PSTPIP1: variants seen among roughly 807,000 people sequenced by gnomAD.
PSTPIP1 encodes proline-serine-threonine phosphatase-interacting protein 1.
Under a neutral mutation model 69.6 loss-of-function variants are expected in PSTPIP1, and 66 were observed. That is an observed-to-expected ratio of 0.95 (90% CI 0.78 to 1.16). PSTPIP1 has a LOEUF of 1.16. PSTPIP1 is among the 50% of genes most tolerant of loss of function. PSTPIP1 has a pLI of 0.00. For synonymous variants in PSTPIP1, 266 were observed against 222.7 expected, an observed-to-expected ratio of 1.19 and a Z score of -1.73; for missense variants, 603 against 557.4, an observed-to-expected ratio of 1.08 and a Z score of -0.82.
At chr15:77,029,461 A>G in intron 7 of PSTPIP1, 68 bp from the exon 8 acceptor site, 1 of 1,531,262 alleles carries the variant, frequency 6.5e-7, no homozygotes, top group Non-Finnish European at 8.9e-7. Flanking sequence ...CAGTCACTTC[A>G]GGTCTGCTGG....
At position 77,035,580 on chromosome 15, in the gene PSTPIP1, G is replaced by A. The variant is rs1388121609; in HGVS notation, c.985+17G>A. 10 of 1,569,018 alleles carry A rather than the reference G, an allele frequency of 6.4e-6. 1 individual carries two copies. The South Asian group carries it at 1.2e-4, about 18-fold the overall frequency. On this transcript the variant is annotated intron_variant, in intron 13 of 14. Transcript: ENST00000558012. ...CTTCTGCTGGTAAAGGGGGTCAGGA[G>A]GGGACCCCCAAACACACTGATCCTG... is the stretch of plus-strand genomic sequence containing the variant.
chr15:77,036,299 G>A (rs759507050), intron 14 of PSTPIP1, among the ~76,000 whole-genome samples: 1 of 152,182 alleles, frequency 6.6e-6, no homozygotes, highest in Non-Finnish European at 1.5e-5. Context: ...CACACGTGCG[G>A]GGAGCTGGCA....
At position 77,032,845 on chromosome 15, in the gene PSTPIP1, C is replaced by G. The variant is rs770543515; in HGVS notation, c.839-17C>G. The G allele has an allele frequency of 6.4e-7, 1 of 1,554,054 alleles. No homozygotes were observed. Among genetic ancestry groups the G allele is most frequent in the Admixed American group, 1.9e-5 (1 of 52,514 alleles). On this transcript the variant is annotated splice_polypyrimidine_tract_variant and intron_variant, in intron 11 of 14. Transcript: ENST00000558012. ...GTGTTGGGGGCCGCCCTGGGGCTCA[C>G]GGCTTGCTGTCTGCAGCTCCGGTGC...
At chr15:77,000,981 T>C (rs902319288) in intron 1 of PSTPIP1, among the ~76,000 whole-genome samples, 2 of 152,176 alleles carry the variant, frequency 1.3e-5, no homozygotes, top group Admixed American at 6.5e-5. Context: ...CCTCCCCTTT[T>C]TTTAGCGTAA....
chr15:77,000,604 G>A (rs1426573033), intron 1 of PSTPIP1, among the ~76,000 whole-genome samples: 1 of 152,128 alleles, frequency 6.6e-6, no homozygotes, highest in Non-Finnish European at 1.5e-5. Context: ...AGCACCTTTA[G>A]TCTCATCACA....
At chr15:77,015,213 G>C (rs960973616) in intron 1 of PSTPIP1, among the ~76,000 whole-genome samples, 2 of 152,172 alleles carry the variant, frequency 1.3e-5, no homozygotes, top group African/African-American at 4.8e-5. Context: ...ATCATGTTTG[G>C]ATGTTCCAAA....
chr15:77,035,494 C>T lies in PSTPIP1; in HGVS notation c.930-14C>T, dbSNP rs200876675. The T allele has an allele frequency of 5.2e-5, 82 of 1,584,708 alleles. 2 individuals are homozygous for T. In the South Asian group the frequency reaches 7.5e-4, roughly 14 times the overall value. On this transcript the variant is annotated splice_polypyrimidine_tract_variant and intron_variant, in intron 12 of 14. Coordinates refer to ENST00000558012, the MANE Select transcript of PSTPIP1 (RefSeq NM_003978.5). Reference sequence around the variant, plus strand: ...GGGGCGGGGACACTCACCCTCTTTCCTCCCTGTTCCCAGGTTCTCTGGACT... The same window carrying T: ...GGGGCGGGGACACTCACCCTCTTTCTTCCCTGTTCCCAGGTTCTCTGGACT...
chr15:77,005,686 C>T (rs1228883421), intron 1 of PSTPIP1, among the ~76,000 whole-genome samples: 2 of 152,212 alleles, frequency 1.3e-5, no homozygotes. Context: ...ATTCTACTTT[C>T]TAGCTCTATG....
intron 12 of PSTPIP1, among the ~76,000 whole-genome samples, chr15:77,035,300 G>A (rs946214819): frequency 6.6e-6 from 1 of 152,148 alleles, no homozygotes; most frequent in Non-Finnish European, 1.5e-5. Flanking sequence ...CGTAGCTGGG[G>A]AAGGAGGAGC....
At chr15:77,009,512 A>G (rs573338044) in intron 1 of PSTPIP1, among the ~76,000 whole-genome samples, 1 of 152,288 alleles carries the variant, frequency 6.6e-6, no homozygotes, top group Admixed American at 6.5e-5. Flanking sequence ...AGTGGGAGCC[A>G]CTAGTCTAGA....
rs919009893 is a variant in PSTPIP1, at chr15:77,029,608, C to T, written c.562+34C>T. ...GCCTGGCTGCCCCGTCCGACCAGGG[C>T]GGAGGCCTGGGCGGTACTCCCCACA... On this transcript the variant is annotated intron_variant, in intron 8 of 14. Transcript: ENST00000558012. The T allele has an allele frequency of 5.1e-6, 8 of 1,556,006 alleles. No individual in the cohort carries two copies. The Admixed American group carries it at 5.8e-5, about 11-fold the overall frequency.
chr15:77,028,224 A>C (rs2076330650), intron 6 of PSTPIP1: 2 of 505,946 alleles, frequency 4.0e-6, no homozygotes, highest in East Asian at 6.9e-5. Context: ...GACGCTGGAC[A>C]GGAAGGGAGA....
upstream of PSTPIP1, chr15:76,994,933 C>G (rs575371049): frequency 4.8e-6 from 6 of 1,253,014 alleles, no homozygotes; most frequent in East Asian, 2.8e-4. Context: ...CTGGGCCCCT[C>G]CTGGCCACAC....
chr15:77,036,083 C>T (rs1295095800), intron 14 of PSTPIP1, 148 bp downstream of exon 14: 14 of 1,110,736 alleles, frequency 1.3e-5, no homozygotes, highest in Middle Eastern at 3.1e-4. Context: ...CACGTGTGCC[C>T]GAGTGTGTCC....
chr15:76,996,865 C>A (rs982692333), intron 1 of PSTPIP1, among the ~76,000 whole-genome samples: 1 of 152,138 alleles, frequency 6.6e-6, no homozygotes, highest in African/African-American at 2.4e-5. Flanking sequence ...CAGCTGGAGC[C>A]CTGGGGGATG....
chr15:77,015,346 C>T (rs1474640123), intron 1 of PSTPIP1, among the ~76,000 whole-genome samples: 1 of 152,130 alleles, frequency 6.6e-6, no homozygotes, highest in Non-Finnish European at 1.5e-5. Flanking sequence ...TTTGGGCAGT[C>T]TCTTTCCCTG....
chr15:77,035,537 A>G lies in PSTPIP1; in HGVS notation c.959A>G (p.Lys320Arg). 2 of 1,592,226 alleles carry G rather than the reference A, an allele frequency of 1.3e-6. No homozygotes were observed. The change falls in exon 13 of 15, where the codon AAG becomes AGG. Residue 320 changes from lysine (K) to arginine (R), a missense_variant. Physicochemically the swap from Lys to Arg is conservative, Grantham distance 26. Transcript: ENST00000558012. ...RFSGLLHGSP[K>R]TTSLAASAAS... ...TCTGGACTGCTGCACGGAAGTCCCAAGACCACTTCGTTGGCAGCTTCTGCT... is the reference window on the plus strand; with the variant it reads ...TCTGGACTGCTGCACGGAAGTCCCAGGACCACTTCGTTGGCAGCTTCTGCT...
chr15:77,008,100 G>A (rs1354099281), intron 1 of PSTPIP1: 4 of 455,400 alleles, frequency 8.8e-6, no homozygotes, highest in Admixed American at 4.7e-5. Flanking sequence ...CGGGAGATCA[G>A]CACAGAAGTC....
At chr15:77,036,003 C>G (rs1406728020) in intron 14 of PSTPIP1, 68 bp downstream of exon 14, 1 of 1,494,320 alleles carries the variant, frequency 6.7e-7, no homozygotes, top group Non-Finnish European at 8.9e-7. Flanking sequence ...CTCTCCCATC[C>G]AGTGCCTTGC....
Sources: allele counts gnomAD v4.1 joint callset (sites outside exome capture counted in the v4.1 genomes callset), GRCh38; gene constraint gnomAD v4.1.1; transcripts MANE v1.5; gene names NCBI Gene and HGNC (gene_info 2026-07-23, HGNC 2026-07-21).